The following STRADA variants were observed in gnomAD, a reference collection of about 807,000 sequenced individuals.
STRADA encodes the protein STE20 related adaptor alpha, also known as STE20-related kinase adapter protein alpha.
A neutral mutation model predicts 55.0 loss-of-function variants in STRADA; 26 were observed. The observed-to-expected ratio is 0.47, with a 90% CI of 0.35 to 0.66. STRADA has a LOEUF of 0.66. STRADA is among the 30% of genes least tolerant of loss of function. The pLI, the probability that STRADA is intolerant of heterozygous loss-of-function variation, is 0.01. For synonymous variants in STRADA, 197 were observed against 210.9 expected (o/e 0.93, Z 0.57); for missense variants, 443 against 549.7 (o/e 0.81, Z 1.94).
rs533021783 is a variant in STRADA at position 63,704,103 on chromosome 17, G to A, written c.1101-56C>T. On this transcript the variant is annotated intron_variant, in intron 11 of 12. Coordinates refer to ENST00000336174, the MANE Select transcript of STRADA (RefSeq NM_001003787.4). ...ATCACTGCCGTGTCCCCAGCTTCCC[G>A]AAATCCTGCCACTTATGCCTCAGCC... The A allele has an allele frequency of 9.5e-5, 151 of 1,594,488 alleles. 1 individual carries two copies. In the African/African-American group the frequency reaches 1.2e-3, roughly 13 times the overall value.
Position 63,706,624 on chromosome 17 carries a change from G to T in STRADA, c.858+11C>A. On this transcript the variant is annotated intron_variant, in intron 10 of 12. Transcript: ENST00000336174. ...GCAGGCAAGAAGGAAACCGATGGGC[G>T]GCAGGCTTACCTGGGTGGCAGGCAT... 1 of 1,605,936 alleles carries T rather than the reference G, an allele frequency of 6.2e-7. No homozygotes were observed. Among genetic ancestry groups the T allele is most frequent in the Non-Finnish European group, 8.5e-7 (1 of 1,174,348 alleles).
intron 5 of STRADA, 46 bp downstream of exon 5, chr17:63,713,959 GC>G (rs1275147172): frequency 4.6e-6 from 7 of 1,507,772 alleles, no homozygotes; most frequent in African/African-American, 4.1e-5. Flanking sequence ...AGCTGCAGCA[GC>G]CCCTGGAGCA....
In STRADA at chr17:63,732,157, C is replaced by T. The variant is rs144912120; in HGVS notation, c.-44-3744G>A. Among the ~76,000 whole-genome samples the T allele has an allele frequency of 3.2e-3, 480 of 152,234 alleles. 5 individuals are homozygous for T. The highest frequency in any genetic ancestry group is 0.03 in the East Asian group (155 of 5,172). On this transcript the variant is annotated intron_variant, in intron 1 of 12. Coordinates refer to ENST00000336174, the MANE Select transcript of STRADA (RefSeq NM_001003787.4). ...TGCCGGGATTACAGGCGTGAGCCAC[C>T]GCGCCTGGCCTAATTTTTTGTATTT...
chr17:63,710,664 A>G (rs2036437916), intron 7 of STRADA, 50 bp from the exon 8 acceptor site: 1 of 1,614,004 alleles, frequency 6.2e-7, no homozygotes, highest in African/African-American at 1.3e-5. Flanking sequence ...GAGGAGGAAA[A>G]CACAGGCAAT....
At chr17:63,723,561 C>CTACT (rs2037452211) in intron 3 of STRADA, 1 of 544,930 alleles carries the variant, frequency 1.8e-6, no homozygotes, top group Non-Finnish European at 3.3e-6. Context: ...GGTGGCAAGG[C>CTACT]TACTACTCTA....
At chr17:63,728,609 T>C (rs2144166378) in intron 1 of STRADA, among the ~76,000 whole-genome samples, 196 bp from the exon 2 acceptor site, 1 of 152,084 alleles carries the variant, frequency 6.6e-6, no homozygotes, top group East Asian at 1.9e-4. Flanking sequence ...TAAAATTCTG[T>C]AATTTCTGGC....
At position 63,704,612 on chromosome 17, in the gene STRADA, G is replaced by A. The variant is rs201242328; in HGVS notation, c.859-30C>T. On this transcript the variant is annotated intron_variant, in intron 10 of 12. Coordinates refer to ENST00000336174, the MANE Select transcript of STRADA (RefSeq NM_001003787.4). Reference sequence around the variant, plus strand: ...GGAGGACAGAACCAGGACCTGGGCTGTAGCGGGTGGGGGGGGGGGGTGGTC... The same window carrying A: ...GGAGGACAGAACCAGGACCTGGGCTATAGCGGGTGGGGGGGGGGGGTGGTC... The A allele has an allele frequency of 4.6e-4, 599 of 1,310,028 alleles. 4 individuals carry two copies. The African/African-American group carries it at 9.1e-3, about 20-fold the overall frequency. 81.2% of individuals were successfully genotyped at this position (1,310,028 alleles called of 1,614,324 possible). A position where few individuals can be genotyped will look rare whatever the true frequency, so the allele number is the denominator to read the frequency against.
intron 8 of STRADA, among the ~76,000 whole-genome samples, chr17:63,709,246 C>T (rs531366009): frequency 6.6e-6 from 1 of 152,356 alleles, no homozygotes; most frequent in African/African-American, 2.4e-5. Context: ...GGACAGGAGG[C>T]TCCCCGTCCT....
rs148168548 is a variant in STRADA at position 63,706,335 on chromosome 17, T to C, written c.858+300A>G. On this transcript the variant is annotated intron_variant, in intron 10 of 12. Coordinates refer to ENST00000336174, the MANE Select transcript of STRADA (RefSeq NM_001003787.4). ...AGGAGGACAGAACATATTTTATGCA[T>C]TTATAAAAACTAGTTAGCTTAATGT... The C allele has an allele frequency of 2.1e-3, 524 of 254,110 alleles. 3 individuals are homozygous for C. The highest frequency in any genetic ancestry group is 0.011 in the African/African-American group (497 of 45,244). The allele number at this position is 254,110 out of a possible 1,614,324, so 15.7% of individuals were successfully genotyped here.
At chr17:63,708,784 C>T (rs2036290542) in intron 8 of STRADA, among the ~76,000 whole-genome samples, 1 of 152,234 alleles carries the variant, frequency 6.6e-6, no homozygotes, top group South Asian at 2.1e-4. Flanking sequence ...ATCCACCCAC[C>T]TTGGCCTCCC....
At chr17:63,734,236 T>C (rs1293768715) in intron 1 of STRADA, among the ~76,000 whole-genome samples, 1 of 152,252 alleles carries the variant, frequency 6.6e-6, no homozygotes, top group Non-Finnish European at 1.5e-5. Context: ...CTTTATTTTA[T>C]ATCAAAAGCT....
intron 1 of STRADA, among the ~76,000 whole-genome samples, chr17:63,731,687 T>G (rs2038067547): frequency 6.6e-6 from 1 of 152,134 alleles, no homozygotes; most frequent in Non-Finnish European, 1.5e-5. Flanking sequence ...TTTAATAGTA[T>G]TAAACACAAA....
At chr17:63,729,638 A>T (rs560017556) in intron 1 of STRADA, among the ~76,000 whole-genome samples, 1 of 151,800 alleles carries the variant, frequency 6.6e-6, no homozygotes, top group South Asian at 2.1e-4. Context: ...TACACAAAAA[A>T]ATTAGCCAGG....
chr17:63,713,000 CAAAAA>C (rs5821401), intron 6 of STRADA, among the ~76,000 whole-genome samples: 1 of 125,536 alleles, frequency 8.0e-6, no homozygotes, highest in Non-Finnish European at 1.7e-5. Context: ...GAATCCGTCT[CAAAAA>C]AAAAAAAAAA....
At chr17:63,713,620 A>G (rs1473208382) in intron 5 of STRADA, 93 bp from the exon 6 acceptor site, 1 of 1,518,824 alleles carries the variant, frequency 6.6e-7, no homozygotes, top group Non-Finnish European at 8.9e-7. Context: ...ATTTCAAAAG[A>G]AACTTAATGT....
At chr17:63,710,433 A>G (rs912312106) in intron 8 of STRADA, 58 bp downstream of exon 8, 2 of 1,598,526 alleles carry the variant, frequency 1.3e-6, no homozygotes, top group African/African-American at 2.7e-5. Flanking sequence ...ACTTTACCTG[A>G]AGGCTCAGGG....
intron 5 of STRADA, among the ~76,000 whole-genome samples, 179 bp downstream of exon 5, chr17:63,713,827 T>C (rs1232605636): frequency 6.6e-6 from 1 of 152,122 alleles, no homozygotes; most frequent in South Asian, 2.1e-4. Flanking sequence ...TCCTGGAAGT[T>C]TGATCTCTTC....
At chr17:63,740,147 T>TAC (rs57585655) in intron 1 of STRADA, among the ~76,000 whole-genome samples, 13,661 of 66,866 alleles carry the variant, frequency 0.2, 2,489 homozygotes, top group Non-Finnish European at 0.24. Flanking sequence ...TATATATATA[T>TAC]ACACACACAC....
intron 3 of STRADA, among the ~76,000 whole-genome samples, chr17:63,724,127 CTTTTTAATTTTT>C (rs1317498722): frequency 2.6e-5 from 4 of 151,932 alleles, no homozygotes; most frequent in Admixed American, 6.6e-5. Context: ...ATGCTTTCTT[CTTTTTAATTTTT>C]TTTTTAATTT....
Sources: gnomAD v4.1 joint callset for allele counts (sites outside exome capture counted in the v4.1 genomes callset) on GRCh38, gnomAD v4.1.1 for gene constraint, MANE v1.5 for transcripts, NCBI Gene and HGNC (gene_info 2026-07-23, HGNC 2026-07-21) for gene names.